D2HGDH: variants seen among roughly 807,000 people sequenced by gnomAD.
D2HGDH encodes D-2-hydroxyglutarate dehydrogenase, also known as D-2-hydroxyglutarate dehydrogenase, mitochondrial.
In D2HGDH, 31 loss-of-function variants were observed where a neutral mutation model predicts 46.9. The observed-to-expected ratio is 0.66, with a 90% CI of 0.50 to 0.89. The LOEUF (loss-of-function observed/expected upper bound fraction) is 0.89. D2HGDH is among the 40% of genes least tolerant of loss of function. The probability of loss-of-function intolerance (pLI) is 0.00; values close to 1 mark genes in which losing one functional copy is unlikely to be tolerated. For missense variants in D2HGDH, 698 were observed against 720.8 expected (o/e 0.97, Z 0.36); for synonymous variants, 364 against 332.6 (o/e 1.09, Z -1.03).
chr2:241,735,014 AGGGCCCGGGTGCTC>A (rs947494378), intron 1 of D2HGDH, 105 bp from the exon 2 acceptor site: 1 of 552,548 alleles, frequency 1.8e-6, no homozygotes, highest in Non-Finnish European at 3.0e-6. Flanking sequence ...GGGCAGGGGG[AGGGCCCGGGTGCTC>A]GGAGCCTTCC....
In D2HGDH at chr2:241,741,060, G is replaced by C. The variant is rs142977491; in HGVS notation, c.320G>C (p.Arg107Pro). Residue 107 changes from arginine to proline, a missense_variant, in exon 3 of 10, where the codon CGG becomes CCG. Coordinates refer to ENST00000321264, the MANE Select transcript of D2HGDH (RefSeq NM_152783.5). Reference protein sequence around the residue: ...RGCSKVLLRPRTSEEVSHILR... With the variant: ...RGCSKVLLRPPTSEEVSHILR... ...TGTAGCAAGGTGCTGCTGAGGCCAC[G>C]GACGTCGGAGGAGGTGTCCCACATC... is the stretch of plus-strand genomic sequence containing the variant. 6.2e-7 allele frequency: 1 copy of C among 1,614,010 alleles called. No homozygotes were observed. Among genetic ancestry groups the C allele is most frequent in the Admixed American group, 1.7e-5 (1 of 60,010 alleles).
chr2:241,746,599 C>T (rs1407058772), intron 6 of D2HGDH, among the ~76,000 whole-genome samples: 1 of 151,982 alleles, frequency 6.6e-6, no homozygotes, highest in Non-Finnish European at 1.5e-5. Context: ...ACTAAAAGTA[C>T]AAAAATTAGG....
At chr2:241,737,389 C>T (rs1357705592) in intron 2 of D2HGDH, among the ~76,000 whole-genome samples, 3 of 152,260 alleles carry the variant, frequency 2.0e-5, no homozygotes, top group Admixed American at 2.0e-4. Context: ...CTCCTCTCCT[C>T]CCACTGCACT....
intron 9 of D2HGDH, among the ~76,000 whole-genome samples, chr2:241,765,185 G>A (rs1169828061): frequency 1.3e-5 from 2 of 152,236 alleles, no homozygotes; most frequent in African/African-American, 4.8e-5. Flanking sequence ...ACTGGAAGAC[G>A]GTCTGGACTC....
At position 241,735,166 on chromosome 2, in the gene D2HGDH, C is replaced by G; in HGVS notation, c.-59C>G. 1 of 1,439,516 alleles carries G rather than the reference C, an allele frequency of 6.9e-7. No homozygotes were observed. 89.2% of individuals were successfully genotyped at this position (1,439,516 alleles called of 1,614,324 possible). A position where few individuals can be genotyped will look rare whatever the true frequency, so the allele number is the denominator to read the frequency against. ...CCAGCGGCTCCCTGCCCTTCCCCTC[C>G]GGGCCCTGAGTACCGGCCCCCCACC... On this transcript the variant is annotated 5_prime_UTR_variant, in exon 2 of 10. Coordinates refer to ENST00000321264, the MANE Select transcript of D2HGDH (RefSeq NM_152783.5).
chr2:241,753,344 C>G (rs1301105413), intron 8 of D2HGDH, among the ~76,000 whole-genome samples: 1 of 151,516 alleles, frequency 6.6e-6, no homozygotes, highest in African/African-American at 2.4e-5. Flanking sequence ...AGGCTTTTCT[C>G]TGCTGTTGTC....
chr2:241,756,646 C>T (rs749049670), intron 9 of D2HGDH, among the ~76,000 whole-genome samples: 5 of 152,282 alleles, frequency 3.3e-5, no homozygotes, highest in African/African-American at 9.6e-5. Context: ...CCCAGCCTCC[C>T]GAGTCTCTGG....
rs1008162836 is a variant in D2HGDH at position 241,742,307 on chromosome 2, C to T, written c.351-128C>T. On this transcript the variant is annotated intron_variant, in intron 3 of 9. Coordinates refer to ENST00000321264, the MANE Select transcript of D2HGDH (RefSeq NM_152783.5). This position sits in a 1 kb window ranked among gnomAD's most constrained non-coding sequence, Gnocchi z 4.8. ...CATGCGTGGGCTGGGGAGGAGCCCC[C>T]GCTGAGGCTGCAGGCAGGGCAGGGT... 16 of 1,297,816 alleles carry T rather than the reference C, an allele frequency of 1.2e-5. No individual in the cohort carries two copies. The highest frequency in any genetic ancestry group is 4.7e-5 in the Admixed American group (2 of 42,242). The allele number at this position is 1,297,816 out of a possible 1,614,324, so 80.4% of individuals were successfully genotyped here.
In D2HGDH at chr2:241,744,978, CG is replaced by C. The variant is rs377750028; in HGVS notation, c.853+102del. On this transcript the variant is annotated intron_variant, in intron 6 of 9. Coordinates refer to ENST00000321264, the MANE Select transcript of D2HGDH (RefSeq NM_152783.5). ...TGAGGAAGGGGATGGAGGGACCCCC[CG>C]CCAAGGACAGTCGGTTCCCGTGTCT... The C allele has an allele frequency of 2.0e-3, 2,860 of 1,401,986 alleles. 2 individuals carry two copies. Among genetic ancestry groups the C allele is most frequent in the Non-Finnish European group, 2.3e-3 (2,375 of 1,011,042 alleles). The allele number at this position is 1,401,986 out of a possible 1,614,324, so 86.8% of individuals were successfully genotyped here.
At chr2:241,736,868 C>G (rs1337560773) in intron 2 of D2HGDH, among the ~76,000 whole-genome samples, 1 of 151,324 alleles carries the variant, frequency 6.6e-6, no homozygotes, top group East Asian at 2.0e-4. Context: ...ACCATGTTGA[C>G]CACGCTGGTC....
At chr2:241,737,553 G>A (rs911032289) in intron 2 of D2HGDH, among the ~76,000 whole-genome samples, 1 of 152,106 alleles carries the variant, frequency 6.6e-6, no homozygotes, top group Non-Finnish European at 1.5e-5. Flanking sequence ...GCAGTGGCAC[G>A]ATCTCCCCTT....
rs371907705 is a variant in D2HGDH at position 241,743,800 on chromosome 2, C to G, written c.669C>G (p.Val223=). ...FLRYGSLHGT[V]LGLEVVLADG... ...GATATGGCTCACTGCATGGGACTGT[C>G]CTGGGCCTGGAAGTGGTGAGCTGGG... The change falls in exon 5 of 10, where the codon GTC becomes GTG. Residue 223 remains valine, a synonymous_variant. Transcript: ENST00000321264. This position sits in a 1 kb window ranked among gnomAD's most constrained non-coding sequence, Gnocchi z 4.8. 28 of 1,603,174 alleles carry G rather than the reference C, an allele frequency of 1.7e-5. No individual in the cohort carries two copies. The highest frequency in any genetic ancestry group is 1.5e-4 in the Admixed American group (9 of 58,640).
At chr2:241,752,880 A>C (rs1575296663) in intron 8 of D2HGDH, among the ~76,000 whole-genome samples, 3 of 48,028 alleles carry the variant, frequency 6.2e-5, no homozygotes, top group African/African-American at 1.7e-4. Flanking sequence ...CCCCCATGCC[A>C]CCCCCAGGGC....
At chr2:241,748,040 G>T (rs1696331289) in intron 6 of D2HGDH, among the ~76,000 whole-genome samples, 1 of 152,160 alleles carries the variant, frequency 6.6e-6, no homozygotes, top group Admixed American at 6.5e-5. Flanking sequence ...GCGGGGCAAG[G>T]GCTGTCGGCC....
chr2:241,741,450 A>G (rs1053300604), intron 3 of D2HGDH, among the ~76,000 whole-genome samples: 1 of 151,234 alleles, frequency 6.6e-6, no homozygotes, highest in African/African-American at 2.4e-5. Flanking sequence ...ACTCTGTTAA[A>G]CTCCATCCCT....
chr2:241,735,552 T>A (rs764333526), intron 2 of D2HGDH, 36 bp downstream of exon 2: 10 of 1,597,054 alleles, frequency 6.3e-6, no homozygotes, highest in Middle Eastern at 1.8e-4. Flanking sequence ...CGTTTCCGCG[T>A]CCCTGCTCCG....
intron 2 of D2HGDH, 41 bp downstream of exon 2, chr2:241,735,557 G>C: frequency 6.3e-7 from 1 of 1,595,870 alleles, no homozygotes; most frequent in Non-Finnish European, 8.5e-7. Flanking sequence ...CCGCGTCCCT[G>C]CTCCGCTGCG....
chr2:241,764,007 C>G (rs566790157), intron 9 of D2HGDH, among the ~76,000 whole-genome samples: 1 of 152,266 alleles, frequency 6.6e-6, no homozygotes. Flanking sequence ...GATCACTCTA[C>G]TGCCCTCCGG....
Position 241,735,153 on chromosome 2 carries a change from T to A in D2HGDH, c.-72T>A. ...TCCAGGCGCGCAGCCAGCGGCTCCC[T>A]GCCCTTCCCCTCCGGGCCCTGAGTA... On this transcript the variant is annotated 5_prime_UTR_variant, in exon 2 of 10. Transcript: ENST00000321264. 7.1e-7 allele frequency: 1 copy of A among 1,412,670 alleles called. No homozygotes were observed. The highest frequency in any genetic ancestry group is 1.5e-5 in the South Asian group (1 of 66,712). The allele number at this position is 1,412,670 out of a possible 1,614,324, so 87.5% of individuals were successfully genotyped here. A position where few individuals can be genotyped will look rare whatever the true frequency, so the allele number is the denominator to read the frequency against.
Sources: gnomAD v4.1 joint callset for allele counts (sites outside exome capture counted in the v4.1 genomes callset) on GRCh38, gnomAD v4.1.1 for gene constraint, Gnocchi (gnomAD v3.1) non-coding constraint, MANE v1.5 for transcripts, NCBI Gene and HGNC (gene_info 2026-07-23, HGNC 2026-07-21) for gene names.